The following EPHA10 variants were observed in gnomAD, a reference collection of about 807,000 sequenced individuals.
The protein encoded by EPHA10 is ephrin type-A receptor 10.
Under a neutral mutation model 109.7 loss-of-function variants are expected in EPHA10, and 120 were observed. The ratio of observed to expected loss-of-function variants is 1.09; its 90% CI spans 0.94 to 1.27. EPHA10 has a LOEUF of 1.27. Among genes scored for constraint, EPHA10 ranks in the 50% most tolerant of loss-of-function variants. The probability of loss-of-function intolerance (pLI) is 0.00; values close to 1 mark genes in which losing one functional copy is unlikely to be tolerated. For missense variants in EPHA10, 1,396 were observed against 1,411.1 expected (o/e 0.99, Z 0.17); for synonymous variants, 640 against 618.9 (o/e 1.03, Z -0.51).
At position 37,759,084 on chromosome 1, in the gene EPHA10, TTCA is replaced by T; in HGVS notation, c.850+2318_850+2320del. 2.6e-5 allele frequency among the ~76,000 whole-genome samples: 4 copies of T among 152,330 alleles called. 1 individual carries two copies. In the South Asian group the frequency reaches 8.3e-4, roughly 32 times the overall value. ...CTGCACTATTGCACCATCTTCCTTC[TTCA>T]TCTTCTGGCTCCTAATCCTTCCCTC... On this transcript the variant is annotated intron_variant, in intron 3 of 16. Coordinates refer to ENST00000373048, the MANE Select transcript of EPHA10 (RefSeq NM_001099439.2).
Position 37,735,302 on chromosome 1 carries a change from G to T in EPHA10, c.1446C>A (p.Ala482=), listed in dbSNP as rs746358714. The T allele has an allele frequency of 2.3e-5, 36 of 1,560,978 alleles. No homozygotes were observed. Among genetic ancestry groups the T allele is most frequent in the Non-Finnish European group, 3.0e-5 (34 of 1,152,486 alleles). Residue 482 remains alanine (A), a synonymous_variant, in exon 6 of 17, where the codon GCC becomes GCA. Transcript: ENST00000373048. The part of the protein sequence containing the change: ...LSWREPIPAG[A]PGANDTEYEI... ...CGTACTCCGTGTCATTGGCCCCAGGGGCTCCGGCAGGGATGGGCTCCCGCC... is the reference window on the plus strand; with the variant it reads ...CGTACTCCGTGTCATTGGCCCCAGGTGCTCCGGCAGGGATGGGCTCCCGCC...
intron 15 of EPHA10, among the ~76,000 whole-genome samples, 165 bp downstream of exon 15, chr1:37,719,249 G>A (rs1645744308): frequency 6.6e-6 from 1 of 152,240 alleles, no homozygotes; most frequent in Non-Finnish European, 1.5e-5. Context: ...GATGTGCAGT[G>A]AGGTGGGCCT....
chr1:37,723,393 A>G (rs1557533055), intron 8 of EPHA10, 21 bp from the exon 9 acceptor site: 2 of 1,613,340 alleles, frequency 1.2e-6, no homozygotes. Flanking sequence ...GTTCAGGGTC[A>G]TTCTTTCAGC....
At chr1:37,736,906 T>C (rs1014773691) in intron 5 of EPHA10, among the ~76,000 whole-genome samples, 10 of 152,126 alleles carry the variant, frequency 6.6e-5, no homozygotes, top group African/African-American at 2.4e-4. Context: ...GATGAAAGAC[T>C]TTTATACAGA....
chr1:37,737,273 A>G (rs1646084960), intron 5 of EPHA10, among the ~76,000 whole-genome samples: 1 of 152,016 alleles, frequency 6.6e-6, no homozygotes, highest in African/African-American at 2.4e-5. Context: ...ACACAGTGAG[A>G]CTCCATCATT....
Position 37,754,244 on chromosome 1 carries a change from G to T in EPHA10, c.977C>A (p.Pro326His). The T allele has an allele frequency of 1.5e-6, 2 of 1,318,316 alleles. No individual in the cohort carries two copies. The highest frequency in any genetic ancestry group is 2.4e-5 in the South Asian group (1 of 41,690). 81.7% of individuals were successfully genotyped at this position (1,318,316 alleles called of 1,614,324 possible). The change falls in exon 4 of 17, where the codon CCC becomes CAC. Residue 326 changes from proline (P) to histidine (H), a missense_variant. Coordinates refer to ENST00000373048, the MANE Select transcript of EPHA10 (RefSeq NM_001099439.2). The surrounding 1 kb of genome is among the most constrained non-coding windows in gnomAD (Gnocchi z 4.5). ...CVCQDSYARS[P>H]TDPPSASCTR... is the part of the protein sequence containing the mutation. ...GCAGGAAGCCGAGGGCGGGTCGGTG[G>T]GTGAGCGCGCATAGCTGTCCTGGCA... is the stretch of plus-strand genomic sequence containing the variant.
chr1:37,732,863 C>CTTTTTTTTTT lies in EPHA10; in HGVS notation c.1492-1291_1492-1282dup, dbSNP rs56226051. Among the ~76,000 whole-genome samples the CTTTTTTTTTT allele has an allele frequency of 1.6e-3, 40 of 25,040 alleles. 10 individuals are homozygous for CTTTTTTTTTT. Among genetic ancestry groups the CTTTTTTTTTT allele is most frequent in the Non-Finnish European group, 2.1e-3 (25 of 12,014 alleles). The allele number at this position is 25,040 out of a possible 152,430, so 16.4% of individuals were successfully genotyped here. A position where few individuals can be genotyped will look rare whatever the true frequency, so the allele number is the denominator to read the frequency against. ...CAAATATAGCCCTTTTATACTTGTT[C>CTTTTTTTTTT]TTTTTTTTTTTTTTTTTTTTTTTTT... is the stretch of plus-strand genomic sequence containing the variant. On this transcript the variant is annotated intron_variant, in intron 6 of 16. Transcript: ENST00000373048.
chr1:37,744,714 A>T (rs926282328), intron 5 of EPHA10, among the ~76,000 whole-genome samples: 1 of 152,178 alleles, frequency 6.6e-6, no homozygotes, highest in Non-Finnish European at 1.5e-5. Context: ...TATTCTCAAT[A>T]AAGTGAAAGC....
At chr1:37,743,494 T>C (rs1340998608) in intron 5 of EPHA10, among the ~76,000 whole-genome samples, 1 of 152,054 alleles carries the variant, frequency 6.6e-6, no homozygotes, top group Non-Finnish European at 1.5e-5. Flanking sequence ...TTTAACAAAA[T>C]CACAAACAGA....
In EPHA10 at chr1:37,718,068, C is replaced by T; in HGVS notation, c.*304G>A. Reference sequence around the variant, plus strand: ...GGGCAATCTCAACCCACTGTCTTCCCTCCCATCCCTGCCCCAGCTTTTCTC... The same window carrying T: ...GGGCAATCTCAACCCACTGTCTTCCTTCCCATCCCTGCCCCAGCTTTTCTC... On this transcript the variant is annotated 3_prime_UTR_variant, in exon 17 of 17. Transcript: ENST00000373048. 7.0e-6 allele frequency: 3 copies of T among 430,580 alleles called. No individual in the cohort carries two copies. Among genetic ancestry groups the T allele is most frequent in the South Asian group, 7.0e-5 (2 of 28,672 alleles). The allele number at this position is 430,580 out of a possible 1,614,324, so 26.7% of individuals were successfully genotyped here. A position where few individuals can be genotyped will look rare whatever the true frequency, so the allele number is the denominator to read the frequency against.
chr1:37,742,921 G>A (rs904217214), intron 5 of EPHA10, among the ~76,000 whole-genome samples: 1 of 152,094 alleles, frequency 6.6e-6, no homozygotes, highest in Non-Finnish European at 1.5e-5. Flanking sequence ...CCTGACCCCA[G>A]GAATTTGAGG....
intron 6 of EPHA10, among the ~76,000 whole-genome samples, chr1:37,732,407 C>T (rs1270845393): frequency 6.6e-6 from 1 of 152,182 alleles, no homozygotes; most frequent in Non-Finnish European, 1.5e-5. Flanking sequence ...CGTCCCTGCC[C>T]ACACCTTATT....
intron 8 of EPHA10, 36 bp from the exon 9 acceptor site, chr1:37,723,408 C>A (rs1394718303): frequency 7.5e-6 from 12 of 1,609,174 alleles, no homozygotes; most frequent in East Asian, 4.5e-5. Context: ...TTCAGCCAGG[C>A]CACCCCGGCC....
At chr1:37,749,672 C>CAA (rs796069964) in intron 5 of EPHA10, among the ~76,000 whole-genome samples, 3 of 102,520 alleles carry the variant, frequency 2.9e-5, no homozygotes, top group African/African-American at 1.1e-4. Context: ...GACTCCGTCT[C>CAA]AAAAAAAAAA....
At chr1:37,746,559 C>T (rs1646245596) in intron 5 of EPHA10, among the ~76,000 whole-genome samples, 1 of 152,128 alleles carries the variant, frequency 6.6e-6, no homozygotes, top group African/African-American at 2.4e-5. Context: ...ATAATTCAGT[C>T]CATAACCATA....
chr1:37,752,833 G>A, intron 5 of EPHA10, 43 bp downstream of exon 5: 1 of 1,220,110 alleles, frequency 8.2e-7, no homozygotes, highest in Non-Finnish European at 1.0e-6. Flanking sequence ...CGCAGGGGCG[G>A]CAGGCGCGGT....
intron 3 of EPHA10, chr1:37,760,256 C>T (rs966927698): frequency 9.8e-7 from 1 of 1,022,368 alleles, no homozygotes; most frequent in South Asian, 4.6e-5. Flanking sequence ...GCCCTGGCAC[C>T]CAGAAAAGGA....
chr1:37,741,571 T>G (rs1646154068), intron 5 of EPHA10, among the ~76,000 whole-genome samples: 1 of 152,138 alleles, frequency 6.6e-6, no homozygotes, highest in African/African-American at 2.4e-5. Flanking sequence ...TCTTGACAGC[T>G]GATCGCCAGA....
intron 5 of EPHA10, among the ~76,000 whole-genome samples, chr1:37,740,646 A>G (rs1263377473): frequency 6.6e-6 from 1 of 152,166 alleles, no homozygotes; most frequent in Non-Finnish European, 1.5e-5. Context: ...TCCAGCGTGC[A>G]GACAAGTTTG....
Sources: allele counts gnomAD v4.1 joint callset (sites outside exome capture counted in the v4.1 genomes callset), GRCh38; gene constraint gnomAD v4.1.1; non-coding constraint Gnocchi (gnomAD v3.1); transcripts MANE v1.5; gene names NCBI Gene and HGNC (gene_info 2026-07-23, HGNC 2026-07-21).